The following DNAH9 variants were observed in gnomAD, a reference collection of about 807,000 sequenced individuals.
DNAH9 encodes the protein DNAH9 variant protein.
In DNAH9, 345 loss-of-function variants were observed where a neutral mutation model predicts 471.6. The observed-to-expected ratio is 0.73, with a 90% confidence interval of 0.67 to 0.80. The LOEUF is 0.80. Among genes scored for constraint, DNAH9 ranks in the 30% least tolerant of loss-of-function variants. The pLI is 0.00. For missense variants in DNAH9, 5,407 were observed against 5,609.2 expected, an observed-to-expected ratio of 0.96 and a Z score of 1.15; for synonymous variants, 2,093 against 2,123.6, an observed-to-expected ratio of 0.99 and a Z score of 0.40.
chr17:11,610,853 C>A (rs1312835710), intron 3 of DNAH9, among the ~76,000 whole-genome samples: 2 of 152,148 alleles, frequency 1.3e-5, no homozygotes, highest in Non-Finnish European at 2.9e-5. Context: ...AACTCTTTAA[C>A]ATTTTTATTC....
At chr17:11,954,119 T>C (rs1035997972) in intron 67 of DNAH9, 1 of 146,388 alleles carries the variant, frequency 6.8e-6, no homozygotes, top group Non-Finnish European at 1.5e-5. Flanking sequence ...TATCAAGTGG[T>C]CTAACATACA....
At chr17:11,633,132 C>A (rs545628305) in intron 8 of DNAH9, among the ~76,000 whole-genome samples, 2 of 152,086 alleles carry the variant, frequency 1.3e-5, no homozygotes, top group Non-Finnish European at 2.9e-5. Flanking sequence ...TATCATATCA[C>A]GCTCAGATCA....
chr17:11,881,170 G>A (rs1349083819), intron 54 of DNAH9, 39 bp from the exon 55 acceptor site: 1 of 1,604,834 alleles, frequency 6.2e-7, no homozygotes, highest in Admixed American at 1.7e-5. Context: ...AAATTTTGCA[G>A]GAAGGCACCT....
At chr17:11,953,993 G>A (rs1275647601) in intron 67 of DNAH9, 3 of 152,148 alleles carry the variant, frequency 2.0e-5, no homozygotes, top group Non-Finnish European at 2.9e-5. Context: ...AGGATTCACA[G>A]CTGAGTAGGC....
At chr17:11,645,879 C>CTTTTTTTT (rs760279719) in intron 11 of DNAH9, among the ~76,000 whole-genome samples, 7 of 70,614 alleles carry the variant, frequency 9.9e-5, no homozygotes, top group South Asian at 5.0e-4. Context: ...TTTTCTTTTT[C>CTTTTTTTT]TTTTTTTTTT....
At chr17:11,879,236 A>G (rs1453853519) in intron 53 of DNAH9, among the ~76,000 whole-genome samples, 4 of 152,168 alleles carry the variant, frequency 2.6e-5, no homozygotes, top group South Asian at 2.1e-4. Flanking sequence ...AAAAACTTCT[A>G]TAATTCATCT....
At chr17:11,622,657 A>G (rs983820816) in intron 6 of DNAH9, among the ~76,000 whole-genome samples, 10 of 152,218 alleles carry the variant, frequency 6.6e-5, no homozygotes, top group Admixed American at 2.0e-4. Flanking sequence ...GACTTTGCAT[A>G]TAGACAGCTA....
chr17:11,871,502 A>G, intron 51 of DNAH9, 96 bp from the exon 52 acceptor site: 3 of 1,087,648 alleles, frequency 2.8e-6, no homozygotes, highest in Non-Finnish European at 4.1e-6. Context: ...TCTTCCCGCT[A>G]TGAAGCGTGC....
chr17:11,752,510 C>T (rs992136401), intron 32 of DNAH9, among the ~76,000 whole-genome samples: 1 of 151,888 alleles, frequency 6.6e-6, no homozygotes, highest in Non-Finnish European at 1.5e-5. Flanking sequence ...ACTAAAAATA[C>T]AAAAAAATTA....
At chr17:11,825,789 G>C (rs1441366705) in intron 48 of DNAH9, among the ~76,000 whole-genome samples, 2 of 152,208 alleles carry the variant, frequency 1.3e-5, no homozygotes, top group Non-Finnish European at 1.5e-5. Context: ...GCCACACCCA[G>C]TGTGGTCAGA....
intron 49 of DNAH9, among the ~76,000 whole-genome samples, chr17:11,843,525 ATTTAC>A (rs942682232): frequency 6.6e-6 from 1 of 151,876 alleles, no homozygotes; most frequent in African/African-American, 2.4e-5. Context: ...TATTTCTCCA[ATTTAC>A]TTAAAAATAA....
chr17:11,810,204 G>A (rs760855454), intron 44 of DNAH9, 42 bp from the exon 45 acceptor site: 61 of 1,580,636 alleles, frequency 3.9e-5, no homozygotes, highest in Non-Finnish European at 5.1e-5. Context: ...CTTTCAAGGA[G>A]GCCTTCTTTT....
chr17:11,692,998 C>T (rs567632515), intron 20 of DNAH9, among the ~76,000 whole-genome samples: 5 of 150,144 alleles, frequency 3.3e-5, no homozygotes, highest in African/African-American at 9.8e-5. Flanking sequence ...CTCCGCCTCC[C>T]GGTTTCGAGC....
At chr17:11,759,395 G>A (rs760375567) in intron 35 of DNAH9, among the ~76,000 whole-genome samples, 14 of 151,678 alleles carry the variant, frequency 9.2e-5, no homozygotes, top group Admixed American at 2.6e-4. Context: ...TCCATTTTGC[G>A]GTCATTTTGC....
At chr17:11,915,219 A>G (rs1973905969) in intron 61 of DNAH9, among the ~76,000 whole-genome samples, 1 of 152,112 alleles carries the variant, frequency 6.6e-6, no homozygotes, top group African/African-American at 2.4e-5. Flanking sequence ...TCACTCTTCT[A>G]CTTAAAACTT....
intron 14 of DNAH9, among the ~76,000 whole-genome samples, chr17:11,653,937 C>G (rs1350242894): frequency 6.6e-6 from 1 of 152,110 alleles, no homozygotes; most frequent in East Asian, 1.9e-4. Context: ...CATCCATCAG[C>G]TGTATTTCCA....
intron 40 of DNAH9, 59 bp downstream of exon 40, chr17:11,783,807 T>G: frequency 7.2e-7 from 1 of 1,398,076 alleles, no homozygotes; most frequent in Non-Finnish European, 1.0e-6. Flanking sequence ...CTGATGCCCC[T>G]TGATTATAAG....
At chr17:11,869,954 G>A (rs79848855) in intron 51 of DNAH9, among the ~76,000 whole-genome samples, 2,597 of 152,298 alleles carry the variant, frequency 0.017, 97 homozygotes, top group African/African-American at 0.059. Context: ...GGAGGCCCCC[G>A]AGATGACTTC....
In DNAH9 at chr17:11,937,502, G is replaced by T. The variant is rs144547132; in HGVS notation, c.12640G>T (p.Gly4214Cys). Residue 4214 changes from glycine to cysteine, a missense_variant, in exon 66 of 69, where the codon GGC becomes TGC. Coordinates refer to ENST00000262442, the MANE Select transcript of DNAH9 (RefSeq NM_001372.4). The surrounding 1 kb of genome is among the most constrained non-coding windows in gnomAD (Gnocchi z 4.1). The part of the protein sequence containing the change: ...PRDSQARDGA[G>C]ATREEKVKAL... ...GGACAGCCAGGCCAGAGACGGAGCG[G>T]GCGCCACAAGAGAAGAAAAGGTGTG... The T allele has an allele frequency of 2.9e-3, 4,609 of 1,612,812 alleles. 17 individuals are homozygous for T. The highest frequency in any genetic ancestry group is 0.011 in the Middle Eastern group (67 of 6,008).
Sources: allele counts gnomAD v4.1 joint callset (sites outside exome capture counted in the v4.1 genomes callset), GRCh38; gene constraint gnomAD v4.1.1; non-coding constraint Gnocchi (gnomAD v3.1); transcripts MANE v1.5; gene names NCBI Gene and HGNC (gene_info 2026-07-23, HGNC 2026-07-21).